SLIT3: variants seen among roughly 807,000 people sequenced by gnomAD.
The protein encoded by SLIT3 is slit guidance ligand 3, also known as slit homolog 3 protein.
In SLIT3, 68 loss-of-function variants were observed where a neutral mutation model predicts 184.0. The observed-to-expected ratio is 0.37, with a 90% CI of 0.30 to 0.45. The LOEUF is 0.45. SLIT3 is among the 20% of genes least tolerant of loss of function. The pLI is 1.00. For missense variants in SLIT3, 1,707 were observed against 2,026.0 expected (o/e 0.84, Z 3.02); for synonymous variants, 831 against 828.6 (o/e 1.00, Z -0.05).
chr5:169,069,441 C>G (rs1185587320), intron 4 of SLIT3, among the ~76,000 whole-genome samples: 2 of 152,166 alleles, frequency 1.3e-5, no homozygotes, highest in Non-Finnish European at 1.5e-5. Context: ...GTTCCACAGG[C>G]AGGGAGGCAG....
intron 4 of SLIT3, chr5:169,026,779 A>G (rs1260153281): frequency 1.3e-5 from 2 of 149,768 alleles, no homozygotes; most frequent in African/African-American, 5.1e-5. Context: ...GTGAGCTTCT[A>G]TGAATACTAT....
intron 1 of SLIT3, among the ~76,000 whole-genome samples, chr5:169,264,731 A>G (rs1296669759): frequency 2.0e-5 from 3 of 152,078 alleles, no homozygotes; most frequent in African/African-American, 7.2e-5. Context: ...ACCTCTCCAG[A>G]CTCACACCAC....
At chr5:169,150,676 C>T (rs1762084280) in intron 4 of SLIT3, among the ~76,000 whole-genome samples, 1 of 152,170 alleles carries the variant, frequency 6.6e-6, no homozygotes, top group Admixed American at 6.5e-5. Flanking sequence ...ACTTAAGAGT[C>T]AGGTAAACTA....
chr5:168,715,766 C>T (rs1024938650), intron 23 of SLIT3, among the ~76,000 whole-genome samples: 3 of 151,504 alleles, frequency 2.0e-5, no homozygotes, highest in East Asian at 2.0e-4. Flanking sequence ...TTTGCCTCTC[C>T]GGTTCAAGCG....
intron 27 of SLIT3, 30 bp from the exon 28 acceptor site, chr5:168,696,461 G>T: frequency 6.2e-7 from 1 of 1,613,178 alleles, no homozygotes; most frequent in Non-Finnish European, 8.5e-7. Context: ...GAGAGCAGGG[G>T]AGTCAGGGGT....
intron 4 of SLIT3, among the ~76,000 whole-genome samples, chr5:168,983,921 A>G (rs1467414246): frequency 6.6e-5 from 10 of 152,146 alleles, no homozygotes; most frequent in African/African-American, 2.4e-4. Flanking sequence ...GGCCTGGCTC[A>G]CGCCTGTAAT....
At chr5:168,689,266 A>G (rs1761838943) in intron 29 of SLIT3, among the ~76,000 whole-genome samples, 1 of 152,228 alleles carries the variant, frequency 6.6e-6, no homozygotes, top group Non-Finnish European at 1.5e-5. Context: ...AACTAAAGAG[A>G]GGCAGCTGGT....
chr5:169,034,285 G>A (rs1025417295), intron 4 of SLIT3, among the ~76,000 whole-genome samples: 1 of 151,828 alleles, frequency 6.6e-6, no homozygotes, highest in African/African-American at 2.4e-5. Flanking sequence ...TTTGTGTCCT[G>A]AGCCTTTGGT....
intron 4 of SLIT3, among the ~76,000 whole-genome samples, chr5:168,958,698 A>C (rs892975594): frequency 6.6e-6 from 1 of 152,204 alleles, no homozygotes; most frequent in African/African-American, 2.4e-5. Context: ...TTCCCCCTAG[A>C]GAGAGAAGAG....
At chr5:169,269,130 T>C (rs1766508252) in intron 1 of SLIT3, among the ~76,000 whole-genome samples, 1 of 152,216 alleles carries the variant, frequency 6.6e-6, no homozygotes, top group Non-Finnish European at 1.5e-5. Flanking sequence ...GGTGCCCAGC[T>C]TGTCTCCTTT....
chr5:168,717,731 G>A (rs1389515075), intron 23 of SLIT3, among the ~76,000 whole-genome samples: 1 of 151,284 alleles, frequency 6.6e-6, no homozygotes, highest in African/African-American at 2.4e-5. Context: ...CGTGATCTCT[G>A]CTCACTGCAA....
intron 8 of SLIT3, among the ~76,000 whole-genome samples, chr5:168,811,111 C>A (rs953393580): frequency 7.9e-5 from 12 of 151,980 alleles, no homozygotes; most frequent in Admixed American, 3.3e-4. Context: ...AAAAGACCAC[C>A]AAATTTCACA....
At chr5:169,267,116 T>A (rs544215136) in intron 1 of SLIT3, among the ~76,000 whole-genome samples, 2 of 152,260 alleles carry the variant, frequency 1.3e-5, no homozygotes, top group East Asian at 3.9e-4. Context: ...AACCAGCCTA[T>A]GAGGTTGATG....
chr5:168,750,876 G>A (rs1363388684), intron 18 of SLIT3, among the ~76,000 whole-genome samples: 2 of 152,052 alleles, frequency 1.3e-5, no homozygotes, highest in African/African-American at 4.8e-5. Context: ...TTATATGATG[G>A]TGGGCAGATA....
intron 5 of SLIT3, among the ~76,000 whole-genome samples, chr5:168,864,449 A>G (rs776512468): frequency 2.0e-5 from 3 of 152,218 alleles, no homozygotes; most frequent in Non-Finnish European, 4.4e-5. Flanking sequence ...TGCAAATAAC[A>G]CTTACCTAAA....
intron 26 of SLIT3, among the ~76,000 whole-genome samples, chr5:168,702,280 A>G (rs992369636): frequency 2.6e-5 from 4 of 152,230 alleles, no homozygotes; most frequent in Admixed American, 2.0e-4. Context: ...CATGTTCACA[A>G]CAACCCTATG....
intron 4 of SLIT3, among the ~76,000 whole-genome samples, chr5:169,023,431 G>A (rs1343239098): frequency 2.0e-5 from 3 of 152,156 alleles, no homozygotes; most frequent in Non-Finnish European, 4.4e-5. Flanking sequence ...CTAAAGCTCT[G>A]TCATCTGTTT....
At chr5:169,239,207 T>C (rs547477969) in intron 3 of SLIT3, among the ~76,000 whole-genome samples, 18 of 152,208 alleles carry the variant, frequency 1.2e-4, no homozygotes, top group South Asian at 4.1e-4. Context: ...GGTTGGAATA[T>C]ATTATCCTTT....
chr5:169,036,085 G>GT (rs1757235637), intron 4 of SLIT3: 1 of 152,166 alleles, frequency 6.6e-6, no homozygotes, highest in Non-Finnish European at 1.5e-5. Context: ...TTTCAAATAT[G>GT]TTTTTTCTCA....
Sources: allele counts gnomAD v4.1 joint callset (sites outside exome capture counted in the v4.1 genomes callset), GRCh38; gene constraint gnomAD v4.1.1; transcripts MANE v1.5; gene names NCBI Gene and HGNC (gene_info 2026-07-23, HGNC 2026-07-21).